Variants in TRAPPC11 observed in about 807,000 individuals in gnomAD.
The protein encoded by TRAPPC11 is foie gras homolog.
In TRAPPC11, 104 loss-of-function variants were observed where a neutral mutation model predicts 151.2. The ratio of observed to expected loss-of-function variants is 0.69; its 90% confidence interval spans 0.59 to 0.81. TRAPPC11 has a LOEUF of 0.81. Ranked by LOEUF, TRAPPC11 falls within the 30% of genes least tolerant of loss-of-function variation. The pLI, the probability that TRAPPC11 is intolerant of heterozygous loss-of-function variation, is 0.00. For missense variants in TRAPPC11, 1,230 were observed against 1,349.6 expected, an observed-to-expected ratio of 0.91 and a Z score of 1.39; for synonymous variants, 456 against 472.3, an observed-to-expected ratio of 0.97 and a Z score of 0.45.
chr4:183,693,598 C>A lies in TRAPPC11; in HGVS notation c.2247C>A (p.Ser749=), dbSNP rs1205944244. 6.2e-7 allele frequency: 1 copy of A among 1,608,278 alleles called. No individual in the cohort carries two copies. The highest frequency in any genetic ancestry group is 1.3e-5 in the African/African-American group (1 of 74,584). Residue 749 remains serine (S), a synonymous_variant, in exon 21 of 30, where the codon TCC becomes TCA. Transcript: ENST00000334690. ...IIIQASTMII[S]RVPNISVHLL... ...AGGTTTCTTTTCAAAGGATCATATC[C>A]AGAGTCCCAAACATTTCTGTACATC...
chr4:183,683,437 G>A (rs1021573742), intron 11 of TRAPPC11, among the ~76,000 whole-genome samples: 5 of 151,940 alleles, frequency 3.3e-5, no homozygotes, highest in Admixed American at 6.6e-5. Flanking sequence ...AAGGTGGGAG[G>A]ATTGCTTGAG....
chr4:183,682,578 A>G (rs1179932892), intron 10 of TRAPPC11, among the ~76,000 whole-genome samples, 154 bp from the exon 11 acceptor site: 6 of 152,230 alleles, frequency 3.9e-5, no homozygotes, highest in African/African-American at 1.4e-4. Flanking sequence ...AATTTTTGTT[A>G]AAATTTATGT....
At chr4:183,694,121 C>A in intron 22 of TRAPPC11, 83 bp downstream of exon 22, 3 of 1,427,436 alleles carry the variant, frequency 2.1e-6, no homozygotes, top group South Asian at 1.3e-5. Flanking sequence ...CAGTTCAGAG[C>A]GTTTTAACGC....
chr4:183,693,294 C>A, intron 20 of TRAPPC11, 147 bp downstream of exon 20: 1 of 806,698 alleles, frequency 1.2e-6, no homozygotes, highest in Non-Finnish European at 1.9e-6. Context: ...TGAGCTCAAA[C>A]CATCCTCCCA....
intron 17 of TRAPPC11, 103 bp downstream of exon 17, chr4:183,685,506 A>G: frequency 7.4e-7 from 1 of 1,349,444 alleles, no homozygotes; most frequent in South Asian, 1.4e-5. Flanking sequence ...AAGAGTTTTC[A>G]AAGTATAATC....
At chr4:183,676,938 T>A (rs1422452570) in intron 7 of TRAPPC11, among the ~76,000 whole-genome samples, 3 of 152,076 alleles carry the variant, frequency 2.0e-5, no homozygotes, top group African/African-American at 7.2e-5. Flanking sequence ...CTAACTTTTG[T>A]ATTTTTAGTA....
intron 5 of TRAPPC11, among the ~76,000 whole-genome samples, chr4:183,673,787 CTA>C (rs1313177427): frequency 3.9e-5 from 6 of 152,322 alleles, no homozygotes; most frequent in Admixed American, 3.9e-4. Context: ...TTTTATCTGG[CTA>C]TGAGTTCTGC....
intron 27 of TRAPPC11, among the ~76,000 whole-genome samples, chr4:183,705,334 G>T (rs1221301361): frequency 6.6e-6 from 1 of 152,078 alleles, no homozygotes. Flanking sequence ...TATAATTACA[G>T]TACCATTATC....
chr4:183,665,279 A>T (rs950562961), intron 2 of TRAPPC11, among the ~76,000 whole-genome samples: 1 of 151,830 alleles, frequency 6.6e-6, no homozygotes, highest in Non-Finnish European at 1.5e-5. Context: ...TATTTTTAGT[A>T]GAGACGGGGT....
Position 183,685,305 on chromosome 4 carries a change from T to A in TRAPPC11, c.1664T>A (p.Ile555Asn), listed in dbSNP as rs752315503. The A allele has an allele frequency of 9.3e-6, 15 of 1,614,154 alleles. No homozygotes were observed. The East Asian group carries it at 3.1e-4, about 34-fold the overall frequency. The change falls in exon 17 of 30, where the codon ATC (isoleucine) becomes AAC (asparagine). Residue 555 changes from isoleucine to asparagine, a missense_variant. Coordinates refer to ENST00000334690, the MANE Select transcript of TRAPPC11 (RefSeq NM_021942.6). ...ESPDPEPDCD[I>N]LAVKTAQKLW... ...CCTGATCCAGAACCCGACTGTGATA[T>A]CTTAGCTGTGAAAACTGCTCAGAAG...
chr4:183,692,855 G>C, intron 19 of TRAPPC11, 105 bp from the exon 20 acceptor site: 1 of 1,027,790 alleles, frequency 9.7e-7, no homozygotes, highest in Non-Finnish European at 1.4e-6. Context: ...GGGGTCTCTA[G>C]ATGAACTCCA....
At chr4:183,691,210 A>C (rs1736241266) in intron 18 of TRAPPC11, 106 bp from the exon 19 acceptor site, 5 of 877,198 alleles carry the variant, frequency 5.7e-6, no homozygotes, top group Non-Finnish European at 8.1e-6. Flanking sequence ...GTAACCCTTC[A>C]TAATGCTTCA....
chr4:183,708,013 G>C lies in TRAPPC11; in HGVS notation c.3190-394G>C, dbSNP rs113746513. ...AAATAAATTAGAAAGAACTAATTTGGTATTGACATAATGTCTACAAGTAGA... is the reference window on the plus strand; with the variant it reads ...AAATAAATTAGAAAGAACTAATTTGCTATTGACATAATGTCTACAAGTAGA... On this transcript the variant is annotated intron_variant, in intron 28 of 29. Coordinates refer to ENST00000334690, the MANE Select transcript of TRAPPC11 (RefSeq NM_021942.6). 2.4e-3 allele frequency among the ~76,000 whole-genome samples: 367 copies of C among 152,092 alleles called. 1 individual carries two copies. Among genetic ancestry groups the C allele is most frequent in the African/African-American group, 8.4e-3 (348 of 41,500 alleles).
chr4:183,688,734 C>CGTGT (rs143398172), intron 18 of TRAPPC11, among the ~76,000 whole-genome samples: 7 of 150,568 alleles, frequency 4.6e-5, no homozygotes, highest in Non-Finnish European at 1.0e-4. Context: ...AGTGTGTGTG[C>CGTGT]GTGTGTGTGT....
rs769036820 is a variant in TRAPPC11, at chr4:183,701,832, T to C, written c.2963+24T>C. 23 of 1,377,080 alleles carry C rather than the reference T, an allele frequency of 1.7e-5. 1 individual carries two copies. The highest frequency in any genetic ancestry group is 1.6e-4 in the South Asian group (14 of 86,110). 85.3% of individuals were successfully genotyped at this position (1,377,080 alleles called of 1,614,324 possible). On this transcript the variant is annotated intron_variant, in intron 26 of 29. Coordinates refer to ENST00000334690, the MANE Select transcript of TRAPPC11 (RefSeq NM_021942.6). Reference sequence around the variant, plus strand: ...AGGTAAGAATTATGTCAATCCTGTCTTTTCTTCAATGTCTCTGTTATTCTC... The same window carrying C: ...AGGTAAGAATTATGTCAATCCTGTCCTTTCTTCAATGTCTCTGTTATTCTC...
At chr4:183,682,585 A>G in intron 10 of TRAPPC11, 147 bp from the exon 11 acceptor site, 2 of 425,208 alleles carry the variant, frequency 4.7e-6, no homozygotes, top group Non-Finnish European at 8.3e-6. Flanking sequence ...GTTAAAATTT[A>G]TGTTAAAATA....
Position 183,664,014 on chromosome 4 carries a change from A to G in TRAPPC11, c.147A>G (p.Val49=), listed in dbSNP as rs1220389358. The G allele has an allele frequency of 1.9e-6, 3 of 1,613,766 alleles. No homozygotes were observed. The highest frequency in any genetic ancestry group is 2.7e-5 in the African/African-American group (2 of 74,874). Residue 49 remains valine (V), a synonymous_variant, in exon 2 of 30, where the codon GTA becomes GTG. Transcript: ENST00000334690. ...AFCANRRADR[V]PISFKVLPGD... Reference sequence around the variant, plus strand: ...GTGCAAATCGGAGAGCTGATCGAGTACCAATTTCTTTCAAGGTGCTCCCAG... The same window carrying G: ...GTGCAAATCGGAGAGCTGATCGAGTGCCAATTTCTTTCAAGGTGCTCCCAG...
Position 183,684,203 on chromosome 4 carries a change from C to A in TRAPPC11, c.1346C>A (p.Pro449Gln). ...AVAQFKKYKC[P>Q]RMKSHLMVQM... ...GCACAGTTCAAGAAGTATAAGTGCC[C>A]GCGAATGAAAAGTCACCTAAGTATG... The change falls in exon 13 of 30, where the codon CCG (proline) becomes CAG (glutamine). Residue 449 changes from proline to glutamine, a missense_variant. Pro to Gln is a moderately conservative substitution (Grantham distance 76). Transcript: ENST00000334690. 1 of 1,613,922 alleles carries A rather than the reference C, an allele frequency of 6.2e-7. No homozygotes were observed. The highest frequency in any genetic ancestry group is 1.1e-5 in the South Asian group (1 of 91,070).
At chr4:183,671,851 G>A (rs529381402) in intron 5 of TRAPPC11, among the ~76,000 whole-genome samples, 6 of 152,310 alleles carry the variant, frequency 3.9e-5, no homozygotes, top group African/African-American at 1.4e-4. Flanking sequence ...ATTGCTAAGA[G>A]TAAATATACA....
Sources: gnomAD v4.1 joint callset for allele counts (sites outside exome capture counted in the v4.1 genomes callset) on GRCh38, gnomAD v4.1.1 for gene constraint, MANE v1.5 for transcripts, NCBI Gene and HGNC (gene_info 2026-07-23, HGNC 2026-07-21) for gene names.